The following RUBCN variants were observed in gnomAD, a reference collection of about 807,000 sequenced individuals.
The protein encoded by RUBCN is rubicon autophagy regulator, also known as run domain Beclin-1-interacting and cysteine-rich domain-containing protein.
In RUBCN, 74 loss-of-function variants were observed where a neutral mutation model predicts 113.2. That is an observed-to-expected ratio of 0.65 (90% CI 0.54 to 0.79). RUBCN has a LOEUF of 0.79. RUBCN is among the 30% of genes least tolerant of loss of function. The pLI, the probability that RUBCN is intolerant of heterozygous loss-of-function variation, is 0.00. For missense variants in RUBCN, 1,109 were observed against 1,251.7 expected (o/e 0.89, Z 1.72); for synonymous variants, 480 against 490.0 (o/e 0.98, Z 0.27).
In RUBCN at chr3:197,675,303, C is replaced by T; in HGVS notation, c.2741-107G>A. The T allele has an allele frequency of 2.6e-6, 4 of 1,524,744 alleles. No homozygotes were observed. Among genetic ancestry groups the T allele is most frequent in the Non-Finnish European group, 3.6e-6 (4 of 1,100,408 alleles). The allele number at this position is 1,524,744 out of a possible 1,614,324, so 94.5% of individuals were successfully genotyped here. On this transcript the variant is annotated intron_variant, in intron 19 of 19. Coordinates refer to ENST00000296343, the MANE Select transcript of RUBCN (RefSeq NM_014687.4). The surrounding 1 kb of genome is among the most constrained non-coding windows in gnomAD (Gnocchi z 4.4). ...TTCTCGCCACCAAGGCGTGGTGTCC[C>T]CTGGGGAGGCCCCGCGAGGTGCTGA...
Position 197,683,809 on chromosome 3 carries a change from G to A in RUBCN, c.1847+348C>T, listed in dbSNP as rs1721532216. ...TTTTTCCTCCCAAATGAGCTACTGT[G>A]TCCCCTGGTTGGGTCTATGATGTGG... is the stretch of plus-strand genomic sequence containing the variant. On this transcript the variant is annotated intron_variant, in intron 12 of 19. Coordinates refer to ENST00000296343, the MANE Select transcript of RUBCN (RefSeq NM_014687.4). The surrounding 1 kb of genome is among the most constrained non-coding windows in gnomAD (Gnocchi z 4.6). Among the ~76,000 whole-genome samples the A allele has an allele frequency of 6.6e-6, 1 of 152,112 alleles. No homozygotes were observed. The highest frequency in any genetic ancestry group is 2.1e-4 in the South Asian group (1 of 4,826).
chr3:197,745,949 T>C (rs1437573031), intron 1 of RUBCN, among the ~76,000 whole-genome samples: 2 of 151,856 alleles, frequency 1.3e-5, no homozygotes, highest in East Asian at 1.9e-4. Flanking sequence ...AGGAAAAGAA[T>C]AGCTTAAACC....
chr3:197,713,920 A>C (rs192150109), intron 2 of RUBCN, among the ~76,000 whole-genome samples: 79 of 151,674 alleles, frequency 5.2e-4, no homozygotes, highest in African/African-American at 1.9e-3. Context: ...TAAAAATACA[A>C]AAAAAAATTA....
At chr3:197,741,511 A>C (rs1348592479), upstream of RUBCN, among the ~76,000 whole-genome samples, 2 of 152,186 alleles carry the variant, frequency 1.3e-5, no homozygotes, top group Non-Finnish European at 2.9e-5. Context: ...CCCTCTAAGC[A>C]CTTAGTAGTG....
chr3:197,676,848 A>T, intron 18 of RUBCN, 37 bp downstream of exon 18: 1 of 1,613,906 alleles, frequency 6.2e-7, no homozygotes, highest in Non-Finnish European at 8.5e-7. Flanking sequence ...CCCTAAAAGC[A>T]AGGGCTCAGC....
chr3:197,730,171 G>C (rs918421627), intron 1 of RUBCN, among the ~76,000 whole-genome samples: 1 of 152,102 alleles, frequency 6.6e-6, no homozygotes, highest in African/African-American at 2.4e-5. Context: ...CCTTTATTTT[G>C]GTAAGAGAAC....
At chr3:197,720,260 T>C (rs567871065) in intron 1 of RUBCN, among the ~76,000 whole-genome samples, 79 of 152,356 alleles carry the variant, frequency 5.2e-4, no homozygotes, top group African/African-American at 1.9e-3. Context: ...AGTAATAGCA[T>C]GTGACAGCTG....
chr3:197,674,849 G>GA lies in RUBCN; in HGVS notation c.*168_*169insT. On this transcript the variant is annotated 3_prime_UTR_variant, in exon 20 of 20. Coordinates refer to ENST00000296343, the MANE Select transcript of RUBCN (RefSeq NM_014687.4). ...CTCTGGACCCATCAACCTGCCGACG[G>GA]CTGACTGCACACAGACGTCAGACAA... 1 of 580,392 alleles carries GA rather than the reference G, an allele frequency of 1.7e-6. No homozygotes were observed. Among genetic ancestry groups the GA allele is most frequent in the Admixed American group, 3.6e-5 (1 of 27,412 alleles). The allele number at this position is 580,392 out of a possible 1,614,324, so 36.0% of individuals were successfully genotyped here.
chr3:197,726,983 AGGCTGGAG>A (rs1339748875), intron 1 of RUBCN, among the ~76,000 whole-genome samples: 72 of 135,118 alleles, frequency 5.3e-4, no homozygotes, highest in African/African-American at 2.1e-3. Context: ...TCTGTCGCCC[AGGCTGGAG>A]GGCAGTGGTG....
At chr3:197,694,304 G>A (rs1722757541) in intron 10 of RUBCN, 71 bp downstream of exon 10, 3 of 1,322,356 alleles carry the variant, frequency 2.3e-6, no homozygotes, top group Non-Finnish European at 1.1e-6. Flanking sequence ...AGGAACCACT[G>A]GTTTGGGCAC....
At chr3:197,699,335 G>A in intron 7 of RUBCN, 1 of 788,726 alleles carries the variant, frequency 1.3e-6, no homozygotes, top group Non-Finnish European at 2.1e-6. Context: ...AGTGGGGATG[G>A]AACTCCCAAG....
At chr3:197,742,131 A>C (rs935729996) in intron 1 of RUBCN, among the ~76,000 whole-genome samples, 14 of 151,894 alleles carry the variant, frequency 9.2e-5, no homozygotes, top group African/African-American at 3.1e-4. Flanking sequence ...TCCTGACCTC[A>C]TGATCTGCCC....
chr3:197,701,339 C>T (rs1723644558), intron 6 of RUBCN, among the ~76,000 whole-genome samples, 193 bp from the exon 7 acceptor site: 1 of 152,122 alleles, frequency 6.6e-6, no homozygotes, highest in Non-Finnish European at 1.5e-5. Flanking sequence ...TATTAGTATG[C>T]ATTCCTCATC....
rs1326860070 is a variant in RUBCN at position 197,669,056 on chromosome 3, ATATAGG to A, written c.*5956_*5961del. Among the ~76,000 whole-genome samples, 1 of 152,182 alleles carries A rather than the reference ATATAGG, an allele frequency of 6.6e-6. No homozygotes were observed. The highest frequency in any genetic ancestry group is 1.5e-5 in the Non-Finnish European group (1 of 68,032). On this transcript the variant is annotated 3_prime_UTR_variant, in exon 20 of 20. Coordinates refer to ENST00000296343, the MANE Select transcript of RUBCN (RefSeq NM_014687.4). ...TAATTATGATGTACATATGCTTTTT[ATATAGG>A]TAAACTTCTTAATCTGGAATAATTT...
chr3:197,698,864 A>T (rs1487263760), intron 7 of RUBCN, among the ~76,000 whole-genome samples: 8 of 151,230 alleles, frequency 5.3e-5, no homozygotes, highest in South Asian at 2.1e-4. Context: ...AAAAAAATTT[A>T]AAAAAAGAAA....
rs776806651 is a variant in RUBCN, at chr3:197,675,412, C to T, written c.2740+10G>A. 2 of 1,609,514 alleles carry T rather than the reference C, an allele frequency of 1.2e-6. No homozygotes were observed. The highest frequency in any genetic ancestry group is 2.2e-5 in the East Asian group (1 of 44,880). On this transcript the variant is annotated intron_variant, in intron 19 of 19. Coordinates refer to ENST00000296343, the MANE Select transcript of RUBCN (RefSeq NM_014687.4). The surrounding 1 kb of genome is among the most constrained non-coding windows in gnomAD (Gnocchi z 4.4). ...AGGCTCACTTGCCCGATGCCTGCAC[C>T]TGCCCTCACCTTCACAGGTCCGGCA... is the stretch of plus-strand genomic sequence containing the variant.
chr3:197,726,938 C>CTT (rs1726826414), intron 1 of RUBCN, among the ~76,000 whole-genome samples: 1 of 137,648 alleles, frequency 7.3e-6, no homozygotes, highest in African/African-American at 3.0e-5. Flanking sequence ...GATGCACATT[C>CTT]TATTTTTTTT....
At position 197,675,299 on chromosome 3, in the gene RUBCN, G is replaced by A; in HGVS notation, c.2741-103C>T. The A allele has an allele frequency of 2.0e-6, 3 of 1,530,034 alleles. No individual in the cohort carries two copies. Among genetic ancestry groups the A allele is most frequent in the Non-Finnish European group, 2.7e-6 (3 of 1,105,110 alleles). 94.8% of individuals were successfully genotyped at this position (1,530,034 alleles called of 1,614,324 possible). A position where few individuals can be genotyped will look rare whatever the true frequency, so the allele number is the denominator to read the frequency against. On this transcript the variant is annotated intron_variant, in intron 19 of 19. Coordinates refer to ENST00000296343, the MANE Select transcript of RUBCN (RefSeq NM_014687.4). This position sits in a 1 kb window ranked among gnomAD's most constrained non-coding sequence, Gnocchi z 4.4. ...CCCCTTCTCGCCACCAAGGCGTGGT[G>A]TCCCCTGGGGAGGCCCCGCGAGGTG... is the stretch of plus-strand genomic sequence containing the variant.
At chr3:197,726,731 G>A (rs1324303518) in intron 1 of RUBCN, among the ~76,000 whole-genome samples, 3 of 151,088 alleles carry the variant, frequency 2.0e-5, no homozygotes, top group Non-Finnish European at 4.4e-5. Flanking sequence ...TAGTAGAGAC[G>A]GGGTTTCACC....
Sources: allele counts gnomAD v4.1 joint callset (sites outside exome capture counted in the v4.1 genomes callset), GRCh38; gene constraint gnomAD v4.1.1; non-coding constraint Gnocchi (gnomAD v3.1); transcripts MANE v1.5; gene names NCBI Gene and HGNC (gene_info 2026-07-23, HGNC 2026-07-21).